Variants in CREG2 observed in about 807,000 individuals in gnomAD.
CREG2 encodes the protein protein CREG2.
Under a neutral mutation model 26.2 loss-of-function variants are expected in CREG2, and 24 were observed. The observed-to-expected ratio is 0.92, with a 90% confidence interval of 0.66 to 1.29. The LOEUF (loss-of-function observed/expected upper bound fraction) is 1.29, where lower values mean the gene tolerates loss of function less well. CREG2 is among the 50% of genes most tolerant of loss of function. CREG2 has a pLI of 0.00. For synonymous variants in CREG2, 174 were observed against 169.2 expected (o/e 1.03, Z -0.22); for missense variants, 366 against 398.6 (o/e 0.92, Z 0.70).
intron 2 of CREG2, chr2:101,382,373 C>T (rs1684888961): frequency 4.0e-6 from 2 of 498,998 alleles, no homozygotes; most frequent in Non-Finnish European, 5.2e-6. Context: ...TTGCAGTGAA[C>T]CGAGATTGCG....
chr2:101,383,515 G>C lies in CREG2; in HGVS notation c.611+18C>G. On this transcript the variant is annotated intron_variant, in intron 2 of 3. Transcript: ENST00000324768. ...AACTTCCCAGGACCCGTGTGAGTGA[G>C]GGCAAACCGTCGTCTACCTGCAGAA... is the stretch of plus-strand genomic sequence containing the variant. The C allele has an allele frequency of 6.2e-7, 1 of 1,612,846 alleles. No individual in the cohort carries two copies. Among genetic ancestry groups the C allele is most frequent in the Non-Finnish European group, 8.5e-7 (1 of 1,179,858 alleles).
At chr2:101,384,753 C>T (rs750814936) in intron 1 of CREG2, among the ~76,000 whole-genome samples, 6 of 152,078 alleles carry the variant, frequency 3.9e-5, no homozygotes, top group Admixed American at 2.0e-4. Flanking sequence ...CCCAGTTACT[C>T]GAAAGACTGA....
At chr2:101,380,063 A>G (rs1210426186) in intron 2 of CREG2, among the ~76,000 whole-genome samples, 1 of 143,594 alleles carries the variant, frequency 7.0e-6, no homozygotes, top group Non-Finnish European at 1.6e-5. Flanking sequence ...CCATCCATCC[A>G]TCCATCATTC....
intron 1 of CREG2, among the ~76,000 whole-genome samples, chr2:101,385,204 A>C (rs1274879784): frequency 6.6e-6 from 1 of 152,222 alleles, no homozygotes; most frequent in Non-Finnish European, 1.5e-5. Context: ...TTTGAGACAG[A>C]GTCTCACTCT....
chr2:101,384,085 C>G (rs1389839367), intron 1 of CREG2, among the ~76,000 whole-genome samples: 1 of 152,134 alleles, frequency 6.6e-6, no homozygotes, highest in African/African-American at 2.4e-5. Flanking sequence ...TGTTACAGCC[C>G]CACCGCTTTA....
intron 2 of CREG2, among the ~76,000 whole-genome samples, chr2:101,372,112 C>T (rs979995079): frequency 6.6e-6 from 1 of 152,096 alleles, no homozygotes; most frequent in African/African-American, 2.4e-5. Flanking sequence ...GAAATGGCAG[C>T]CACGCTGTGG....
chr2:101,369,789 C>T (rs961260417), intron 2 of CREG2, among the ~76,000 whole-genome samples: 11 of 152,112 alleles, frequency 7.2e-5, no homozygotes, highest in African/African-American at 1.2e-4. Flanking sequence ...TTTGTCCACG[C>T]GAATGCTTTA....
At chr2:101,370,571 T>TATTA (rs1400254011) in intron 2 of CREG2, among the ~76,000 whole-genome samples, 1 of 152,216 alleles carries the variant, frequency 6.6e-6, no homozygotes, top group African/African-American at 2.4e-5. Context: ...TTTTCTCTAA[T>TATTA]GTCGTGATCC....
At chr2:101,352,700 C>T (rs1558812873) in intron 3 of CREG2, among the ~76,000 whole-genome samples, 1 of 152,104 alleles carries the variant, frequency 6.6e-6, no homozygotes, top group South Asian at 2.1e-4. Context: ...CCCAGCTACT[C>T]GGAAGTCTGA....
chr2:101,357,998 G>A (rs1190295427), intron 2 of CREG2, among the ~76,000 whole-genome samples: 1 of 150,276 alleles, frequency 6.7e-6, no homozygotes, highest in Admixed American at 6.6e-5. Context: ...AAAAAAGCTA[G>A]GCTACCTGTC....
At chr2:101,361,239 T>C (rs576372073) in intron 2 of CREG2, among the ~76,000 whole-genome samples, 11 of 152,328 alleles carry the variant, frequency 7.2e-5, no homozygotes, top group African/African-American at 2.6e-4. Flanking sequence ...CAGCTAAACT[T>C]GGTATCACTT....
At chr2:101,356,424 G>A (rs1684460359) in intron 2 of CREG2, among the ~76,000 whole-genome samples, 1 of 152,192 alleles carries the variant, frequency 6.6e-6, no homozygotes, top group Non-Finnish European at 1.5e-5. Context: ...TATTCAGAGG[G>A]AACAATGTTT....
At position 101,348,952 on chromosome 2, in the gene CREG2, C is replaced by T. The variant is rs1435332789; in HGVS notation, c.*1971G>A. ...ACCCAACCTTTTCAGGTTTCATTTC[C>T]TGTAATTTGGATAAATAGCTGATAA... On this transcript the variant is annotated 3_prime_UTR_variant, in exon 4 of 4. Transcript: ENST00000324768. The T allele has an allele frequency of 2.0e-5, 3 of 152,490 alleles. No homozygotes were observed. Among genetic ancestry groups the T allele is most frequent in the Non-Finnish European group, 2.9e-5 (2 of 68,036 alleles). The allele number at this position is 152,490 out of a possible 1,614,324, so 9.4% of individuals were successfully genotyped here.
In CREG2 at chr2:101,387,458, C is replaced by T. The variant is rs1684994389; in HGVS notation, c.-1G>A. 2 of 1,150,104 alleles carry T rather than the reference C, an allele frequency of 1.7e-6. No individual in the cohort carries two copies. Among genetic ancestry groups the T allele is most frequent in the Non-Finnish European group, 2.2e-6 (2 of 913,642 alleles). 71.2% of individuals were successfully genotyped at this position (1,150,104 alleles called of 1,614,324 possible). A position where few individuals can be genotyped will look rare whatever the true frequency, so the allele number is the denominator to read the frequency against. On this transcript the variant is annotated 5_prime_UTR_variant, in exon 1 of 4. Coordinates refer to ENST00000324768, the MANE Select transcript of CREG2 (RefSeq NM_153836.4). The surrounding 1 kb of genome is among the most constrained non-coding windows in gnomAD (Gnocchi z 4.7). ...GCCGCCGGCCGCGGCGCACGGACATCTTGCAGGCAGCACGCCCGGCCGCCG... is the reference window on the plus strand; with the variant it reads ...GCCGCCGGCCGCGGCGCACGGACATTTTGCAGGCAGCACGCCCGGCCGCCG...
Position 101,350,242 on chromosome 2 carries a change from A to G in CREG2, c.*681T>C, listed in dbSNP as rs1015625687. ...GAGCAGCAGGGATCTGGGGAGCTTA[A>G]TGTCAAAGCTACTCCTTTCTCTTTA... On this transcript the variant is annotated 3_prime_UTR_variant, in exon 4 of 4. Transcript: ENST00000324768. The G allele has an allele frequency of 2.6e-5, 4 of 152,282 alleles. No homozygotes were observed. The highest frequency in any genetic ancestry group is 1.3e-4 in the Admixed American group (2 of 15,288). 9.4% of individuals were successfully genotyped at this position (152,282 alleles called of 1,614,324 possible).
chr2:101,368,961 A>G (rs762804454), intron 2 of CREG2, among the ~76,000 whole-genome samples: 7 of 152,068 alleles, frequency 4.6e-5, no homozygotes, highest in Non-Finnish European at 1.0e-4. Flanking sequence ...GCACAGACTG[A>G]GAGCCAAAAG....
rs1684804642 is a variant in CREG2, at chr2:101,377,130, C to G, written c.611+6403G>C. The stretch of plus-strand genomic sequence containing the variant: ...ACGATCTGTCCACAAATATAAAACT[C>G]TAAGTGATAAATTGTTATTTTTTTC... On this transcript the variant is annotated intron_variant, in intron 2 of 3. Coordinates refer to ENST00000324768, the MANE Select transcript of CREG2 (RefSeq NM_153836.4). Among the ~76,000 whole-genome samples the G allele has an allele frequency of 2.0e-5, 3 of 152,028 alleles. No homozygotes were observed. The South Asian group carries it at 6.2e-4, about 31-fold the overall frequency.
chr2:101,383,670 G>A lies in CREG2; in HGVS notation c.474C>T (p.Pro158=), dbSNP rs748123128. The A allele has an allele frequency of 3.2e-5, 52 of 1,610,662 alleles. No homozygotes were observed. Among genetic ancestry groups the A allele is most frequent in the Admixed American group, 3.0e-4 (18 of 59,484 alleles). Residue 158 remains proline (P), a synonymous_variant, in exon 2 of 4, where the codon CCC becomes CCT. Transcript: ENST00000324768. ...IQGLPFGNCL[P]VSDGPFNNST... ...TATTGTTGAAGGGGCCATCACTGAC[G>A]GGCAGGCAGTTCCCAAATGGCAGTC... is the stretch of plus-strand genomic sequence containing the variant.
rs1338665589 is a variant in CREG2, at chr2:101,350,822, T to C, written c.*101A>G. ...TGCTGCAGGGATGGCAGGGCTGCTA[T>C]GAACCCTTCAACAAAGAGACAGTGG... On this transcript the variant is annotated 3_prime_UTR_variant, in exon 4 of 4. Transcript: ENST00000324768. 1.9e-5 allele frequency: 23 copies of C among 1,216,668 alleles called. No homozygotes were observed. Among genetic ancestry groups the C allele is most frequent in the Non-Finnish European group, 2.7e-5 (23 of 840,514 alleles). The allele number at this position is 1,216,668 out of a possible 1,614,324, so 75.4% of individuals were successfully genotyped here.
Sources: allele counts gnomAD v4.1 joint callset (sites outside exome capture counted in the v4.1 genomes callset), GRCh38; gene constraint gnomAD v4.1.1; non-coding constraint Gnocchi (gnomAD v3.1); transcripts MANE v1.5; gene names NCBI Gene and HGNC (gene_info 2026-07-23, HGNC 2026-07-21).